Variants in UCK2 observed in about 807,000 individuals in gnomAD.
UCK2 encodes the protein cytidine monophosphokinase 2.
In UCK2, 6 loss-of-function variants were observed where a neutral mutation model predicts 30.8. That is an observed-to-expected ratio of 0.19 (90% confidence interval 0.11 to 0.38). The LOEUF (loss-of-function observed/expected upper bound fraction) is 0.38. Ranked by LOEUF, UCK2 falls within the 10% of genes least tolerant of loss-of-function variation. The pLI, the probability that UCK2 is intolerant of heterozygous loss-of-function variation, is 1.00. For synonymous variants in UCK2, 125 were observed against 133.6 expected (o/e 0.94, Z 0.45); for missense variants, 210 against 339.8 (o/e 0.62, Z 3.00).
chr1:165,846,707 A>G (rs1305733625), intron 1 of UCK2, among the ~76,000 whole-genome samples: 1 of 152,180 alleles, frequency 6.6e-6, no homozygotes, highest in Admixed American at 6.5e-5. Context: ...ACTTTTTGAT[A>G]TAGGTGTATT....
At chr1:165,877,574 G>A (rs546621193) in intron 1 of UCK2, among the ~76,000 whole-genome samples, 8 of 152,214 alleles carry the variant, frequency 5.3e-5, no homozygotes, top group Middle Eastern at 3.4e-3. Context: ...CTGGAGATTC[G>A]TGCAGGTTGT....
intron 1 of UCK2, among the ~76,000 whole-genome samples, chr1:165,844,260 G>C (rs996250297): frequency 3.3e-5 from 5 of 152,208 alleles, no homozygotes; most frequent in African/African-American, 1.2e-4. Flanking sequence ...ACCTAGAACG[G>C]CTCCCTCCTC....
intron 1 of UCK2, among the ~76,000 whole-genome samples, chr1:165,873,753 A>G (rs1370431897): frequency 6.6e-6 from 1 of 151,994 alleles, no homozygotes; most frequent in Non-Finnish European, 1.5e-5. Context: ...CATGCTGCTT[A>G]TCTTTGGGCC....
rs145272221 is a variant in UCK2 at position 165,900,706 on chromosome 1, G to C, written c.500-2476G>C. On this transcript the variant is annotated intron_variant, in intron 4 of 6. Transcript: ENST00000367879. ...GACAGGGTGTGGACGTGCACTGTGT[G>C]TGCGTGCGTGCGTTTGTGTGCATGT... The C allele has an allele frequency of 5.4e-4, 82 of 152,794 alleles. 2 individuals are homozygous for C. In the South Asian group the frequency reaches 0.01, roughly 19 times the overall value. 9.5% of individuals were successfully genotyped at this position (152,794 alleles called of 1,614,324 possible).
intron 1 of UCK2, among the ~76,000 whole-genome samples, chr1:165,861,169 C>T (rs188727123): frequency 9.9e-5 from 15 of 152,130 alleles, no homozygotes; most frequent in African/African-American, 2.9e-4. Flanking sequence ...TTTAAAAGGG[C>T]GCTAATTCCA....
intron 4 of UCK2, among the ~76,000 whole-genome samples, chr1:165,896,698 A>G (rs1301335657): frequency 2.0e-5 from 3 of 152,226 alleles, no homozygotes; most frequent in Non-Finnish European, 4.4e-5. Flanking sequence ...TTGGGGAACT[A>G]ACTGTAGGAC....
intron 1 of UCK2, among the ~76,000 whole-genome samples, chr1:165,852,604 T>C (rs567998578): frequency 8.5e-5 from 13 of 152,360 alleles, no homozygotes; most frequent in African/African-American, 3.1e-4. Flanking sequence ...GGAATGCTTA[T>C]ACACTGTTGG....
At position 165,855,175 on chromosome 1, in the gene UCK2, G is replaced by A. The variant is rs539702871; in HGVS notation, c.99+27243G>A. On this transcript the variant is annotated intron_variant, in intron 1 of 6. Coordinates refer to ENST00000367879, the MANE Select transcript of UCK2 (RefSeq NM_012474.5). ...AAAGATGGATGCTTATAAAATAAAT[G>A]AAAAAGACTTTACCTTTAGAATGAC... is the stretch of plus-strand genomic sequence containing the variant. 3.9e-5 allele frequency among the ~76,000 whole-genome samples: 6 copies of A among 152,238 alleles called. No individual in the cohort carries two copies. In the South Asian group the frequency reaches 1.2e-3, roughly 32 times the overall value.
At chr1:165,864,194 C>T (rs1042833277) in intron 1 of UCK2, among the ~76,000 whole-genome samples, 1 of 152,192 alleles carries the variant, frequency 6.6e-6, no homozygotes, top group African/African-American at 2.4e-5. Flanking sequence ...GTGATCCACC[C>T]GCCTTGGCCT....
intron 1 of UCK2, among the ~76,000 whole-genome samples, chr1:165,875,675 A>C (rs1279771050): frequency 2.6e-5 from 4 of 152,224 alleles, no homozygotes; most frequent in Non-Finnish European, 5.9e-5. Flanking sequence ...AGTGGCTCAC[A>C]GAACTCAGGG....
intron 1 of UCK2, among the ~76,000 whole-genome samples, chr1:165,830,593 G>A (rs903465906): frequency 6.6e-6 from 1 of 150,896 alleles, no homozygotes; most frequent in Non-Finnish European, 1.5e-5. Context: ...CCAAAGTGCT[G>A]GGATTACAGG....
intron 5 of UCK2, among the ~76,000 whole-genome samples, chr1:165,904,527 A>G (rs555007586): frequency 1.3e-5 from 2 of 152,348 alleles, no homozygotes; most frequent in African/African-American, 4.8e-5. Context: ...GATATCAGTC[A>G]TATTTAACTG....
At chr1:165,856,216 C>A (rs1164947847) in intron 1 of UCK2, among the ~76,000 whole-genome samples, 1 of 151,892 alleles carries the variant, frequency 6.6e-6, no homozygotes, top group Admixed American at 6.6e-5. Context: ...TTCCCAAGCT[C>A]ACACAGCTAA....
At chr1:165,895,727 C>G in intron 3 of UCK2, 6 of 874,376 alleles carry the variant, frequency 6.9e-6, no homozygotes, top group Non-Finnish European at 8.2e-6. Context: ...TCAATTGCCT[C>G]AGGACTGGCG....
intron 1 of UCK2, among the ~76,000 whole-genome samples, chr1:165,876,879 C>T (rs1655350445): frequency 6.6e-6 from 1 of 152,220 alleles, no homozygotes; most frequent in African/African-American, 2.4e-5. Flanking sequence ...ATGGCTTTCC[C>T]TCATGTCTCC....
At chr1:165,885,046 C>T (rs1655584910) in intron 1 of UCK2, 1 of 244,240 alleles carries the variant, frequency 4.1e-6, no homozygotes, top group Non-Finnish European at 7.8e-6. Flanking sequence ...TGAAGTTCAA[C>T]ATAAATGTTG....
At chr1:165,840,108 G>T (rs1366691291) in intron 1 of UCK2, among the ~76,000 whole-genome samples, 1 of 152,082 alleles carries the variant, frequency 6.6e-6, no homozygotes, top group Non-Finnish European at 1.5e-5. Flanking sequence ...TAGTAGAGGC[G>T]GGGTTTCACC....
At chr1:165,881,993 G>C (rs1297076882) in intron 1 of UCK2, among the ~76,000 whole-genome samples, 1 of 152,194 alleles carries the variant, frequency 6.6e-6, no homozygotes, top group African/African-American at 2.4e-5. Context: ...GATGGATCAG[G>C]AATTAAAACT....
chr1:165,860,541 C>T (rs1161978676), intron 1 of UCK2, among the ~76,000 whole-genome samples: 1 of 152,134 alleles, frequency 6.6e-6, no homozygotes, highest in African/African-American at 2.4e-5. Flanking sequence ...TTCGACCTCC[C>T]AGGCTCAGGT....
Sources: gnomAD v4.1 joint callset for allele counts (sites outside exome capture counted in the v4.1 genomes callset) on GRCh38, gnomAD v4.1.1 for gene constraint, MANE v1.5 for transcripts, NCBI Gene and HGNC (gene_info 2026-07-23, HGNC 2026-07-21) for gene names.